Variants in ZNF813 observed in about 807,000 individuals in gnomAD.
The protein encoded by ZNF813 is zinc finger protein 813.
In ZNF813, 3 loss-of-function variants were observed where a neutral mutation model predicts 7.2. That is an observed-to-expected ratio of 0.42 (90% CI 0.19 to 1.08). The LOEUF is 1.08. Among genes scored for constraint, ZNF813 ranks in the 50% least tolerant of loss-of-function variants. The pLI is 0.30. For synonymous variants in ZNF813, 227 were observed against 256.3 expected (o/e 0.89, Z 1.09); for missense variants, 714 against 753.3 (o/e 0.95, Z 0.61).
Position 53,494,359 on chromosome 19 carries a change from C to A in ZNF813, c.*2273C>A, listed in dbSNP as rs2708835. 1 of 152,204 alleles carries A rather than the reference C, an allele frequency of 6.6e-6. No homozygotes were observed. Among genetic ancestry groups the A allele is most frequent in the Non-Finnish European group, 1.5e-5 (1 of 68,018 alleles). 9.4% of individuals were successfully genotyped at this position (152,204 alleles called of 1,614,324 possible). A position where few individuals can be genotyped will look rare whatever the true frequency, so the allele number is the denominator to read the frequency against. On this transcript the variant is annotated 3_prime_UTR_variant, in exon 4 of 4. Transcript: ENST00000396403. ...AGACATGAGTTTTAAAAGAGACTTT[C>A]TCTGCCGGGCGCAGTGGCTCATGCC...
chr19:53,486,555 C>G (rs192199568), intron 2 of ZNF813, 77 bp from the exon 3 acceptor site: 1 of 1,611,004 alleles, frequency 6.2e-7, no homozygotes, highest in Non-Finnish European at 8.5e-7. Context: ...ATGCTTTCCC[C>G]TCTCTCCTCT....
intron 2 of ZNF813, among the ~76,000 whole-genome samples, chr19:53,485,599 G>GAT (rs552284764): frequency 2.0e-5 from 3 of 149,606 alleles, no homozygotes; most frequent in African/African-American, 7.4e-5. Context: ...TGTATGTCAT[G>GAT]ATATATATCG....
chr19:53,491,390 T>C lies in ZNF813; in HGVS notation c.1158T>C (p.Asn386=). ...LHTGEKPYKC[N]ECGKTFSQEL... ...CGGGAGAGAAACCTTATAAGTGTAATGAATGTGGCAAGACCTTCAGTCAGG... is the reference window on the plus strand; with the variant it reads ...CGGGAGAGAAACCTTATAAGTGTAACGAATGTGGCAAGACCTTCAGTCAGG... The change falls in exon 4 of 4, where the codon AAT becomes AAC. Residue 386 remains asparagine (N), a synonymous_variant. Transcript: ENST00000396403. The C allele has an allele frequency of 3.7e-6, 6 of 1,613,328 alleles. No individual in the cohort carries two copies. Among genetic ancestry groups the C allele is most frequent in the Non-Finnish European group, 5.1e-6 (6 of 1,179,428 alleles).
rs747656227 is a variant in ZNF813 at position 53,491,275 on chromosome 19, T to C, written c.1043T>C (p.Leu348Pro). ...TCATCCCTTACATGCCATCGTAGACTTCATACTGGAGAGAAACCTTTCAAG... is the reference window on the plus strand; with the variant it reads ...TCATCCCTTACATGCCATCGTAGACCTCATACTGGAGAGAAACCTTTCAAG... ...QTSSLTCHRR[L>P]HTGEKPFKCN... The change falls in exon 4 of 4, where the codon CTT becomes CCT. Residue 348 changes from leucine (L) to proline (P), a missense_variant. Leu to Pro is a moderately conservative substitution (Grantham distance 98). Coordinates refer to ENST00000396403, the MANE Select transcript of ZNF813 (RefSeq NM_001004301.4). The C allele has an allele frequency of 6.2e-7, 1 of 1,613,840 alleles. No individual in the cohort carries two copies. The highest frequency in any genetic ancestry group is 1.1e-5 in the South Asian group (1 of 91,046).
rs538580740 is a variant in ZNF813 at position 53,492,394 on chromosome 19, A to G, written c.*308A>G. ...AGCTTACAAAGGTGAAGAATATCAC[A>G]GAGTTTTCAGTCACAAGTCAAACCT... On this transcript the variant is annotated 3_prime_UTR_variant, in exon 4 of 4. Transcript: ENST00000396403. The G allele has an allele frequency of 1.0e-4, 51 of 493,508 alleles. 1 individual carries two copies. The highest frequency in any genetic ancestry group is 1.0e-3 in the South Asian group (46 of 45,492). 30.6% of individuals were successfully genotyped at this position (493,508 alleles called of 1,614,324 possible).
Position 53,493,205 on chromosome 19 carries a change from A to C in ZNF813, c.*1119A>C, listed in dbSNP as rs2708842. On this transcript the variant is annotated 3_prime_UTR_variant, in exon 4 of 4. Coordinates refer to ENST00000396403, the MANE Select transcript of ZNF813 (RefSeq NM_001004301.4). Reference sequence around the variant, plus strand: ...CAGGAGTTTCAGATCAGTCTGGCCAACAAACATGAGCCACTTTTCCCAGTT... The same window carrying C: ...CAGGAGTTTCAGATCAGTCTGGCCACCAAACATGAGCCACTTTTCCCAGTT... The C allele has an allele frequency of 0.13, 23,389 of 176,224 alleles. 2,687 individuals are homozygous for C. The highest frequency in any genetic ancestry group is 0.33 in the African/African-American group (13,856 of 41,882). 10.9% of individuals were successfully genotyped at this position (176,224 alleles called of 1,614,324 possible).
Position 53,492,743 on chromosome 19 carries a change from G to A in ZNF813, c.*657G>A, listed in dbSNP as rs892510007. 2.2e-5 allele frequency: 14 copies of A among 628,602 alleles called. No individual in the cohort carries two copies. Among genetic ancestry groups the A allele is most frequent in the Admixed American group, 1.4e-4 (7 of 49,456 alleles). The allele number at this position is 628,602 out of a possible 1,614,324, so 38.9% of individuals were successfully genotyped here. A position where few individuals can be genotyped will look rare whatever the true frequency, so the allele number is the denominator to read the frequency against. Reference sequence around the variant, plus strand: ...ATAATCGGCAAATTTTTCAGACATCGTCCATACCTTGCAGTTCATTGGCGA... The same window carrying A: ...ATAATCGGCAAATTTTTCAGACATCATCCATACCTTGCAGTTCATTGGCGA... On this transcript the variant is annotated 3_prime_UTR_variant, in exon 4 of 4. Coordinates refer to ENST00000396403, the MANE Select transcript of ZNF813 (RefSeq NM_001004301.4).
In ZNF813 at chr19:53,483,625, T is replaced by C. The variant is rs2086419627; in HGVS notation, c.-73-125T>C. 5 of 943,514 alleles carry C rather than the reference T, an allele frequency of 5.3e-6. No homozygotes were observed. In the Admixed American group the frequency reaches 1.4e-4, roughly 27 times the overall value. The allele number at this position is 943,514 out of a possible 1,614,324, so 58.4% of individuals were successfully genotyped here. A position where few individuals can be genotyped will look rare whatever the true frequency, so the allele number is the denominator to read the frequency against. ...TTTTCCTGTAGGAGTTTATTGTCCC[T>C]GGTGTGGTCGGCAGCATAGGGGACC... On this transcript the variant is annotated intron_variant, in intron 1 of 3. Transcript: ENST00000396403.
intron 1 of ZNF813, among the ~76,000 whole-genome samples, chr19:53,476,311 G>A (rs1190499269): frequency 6.6e-6 from 1 of 152,138 alleles, no homozygotes; most frequent in African/African-American, 2.4e-5. Context: ...TAAGCCATGA[G>A]GTCTGAAGCC....
chr19:53,480,918 G>T (rs1204057632), intron 1 of ZNF813, among the ~76,000 whole-genome samples: 1 of 152,174 alleles, frequency 6.6e-6, no homozygotes, highest in East Asian at 1.9e-4. Context: ...AATGCATAAG[G>T]TGGGTCCAGG....
intron 1 of ZNF813, among the ~76,000 whole-genome samples, chr19:53,482,108 G>A (rs1011948676): frequency 2.6e-5 from 4 of 152,154 alleles, no homozygotes; most frequent in East Asian, 1.9e-4. Flanking sequence ...AATAGAGTAC[G>A]TGTCTGGGTA....
chr19:53,485,587 T>TGTATGGCATGATATATAC (rs571848662), intron 2 of ZNF813, among the ~76,000 whole-genome samples: 7 of 139,698 alleles, frequency 5.0e-5, no homozygotes, highest in South Asian at 2.4e-4. Context: ...TGTCATGACA[T>TGTATGGCATGATATATAC]ATGTATGTCA....
Position 53,483,621 on chromosome 19 carries a change from T to C in ZNF813, c.-73-129T>C, listed in dbSNP as rs1386760386. 4.4e-6 allele frequency: 4 copies of C among 916,778 alleles called. No individual in the cohort carries two copies. In the East Asian group the frequency reaches 1.1e-4, roughly 25 times the overall value. The allele number at this position is 916,778 out of a possible 1,614,324, so 56.8% of individuals were successfully genotyped here. On this transcript the variant is annotated intron_variant, in intron 1 of 3. Coordinates refer to ENST00000396403, the MANE Select transcript of ZNF813 (RefSeq NM_001004301.4). ...GGAGTTTTCCTGTAGGAGTTTATTGTCCCTGGTGTGGTCGGCAGCATAGGG... is the reference window on the plus strand; with the variant it reads ...GGAGTTTTCCTGTAGGAGTTTATTGCCCCTGGTGTGGTCGGCAGCATAGGG...
chr19:53,479,805 G>A, intron 1 of ZNF813: 1 of 1,168,598 alleles, frequency 8.6e-7, no homozygotes, highest in South Asian at 1.2e-5. Context: ...GAGTCCCGTT[G>A]CTGAGAGATG....
intron 1 of ZNF813, among the ~76,000 whole-genome samples, chr19:53,478,091 C>T (rs935891805): frequency 5.3e-5 from 8 of 152,078 alleles, no homozygotes; most frequent in Non-Finnish European, 7.4e-5. Context: ...ATTCCCTTTT[C>T]GCAGGGCTGG....
At chr19:53,468,042 TA>T (rs2086335988) in intron 1 of ZNF813, among the ~76,000 whole-genome samples, 1 of 152,238 alleles carries the variant, frequency 6.6e-6, no homozygotes, top group African/African-American at 2.4e-5. Flanking sequence ...TTTCCTGCTC[TA>T]AACCTTTCTC....
At chr19:53,487,914 T>C (rs2086441693) in intron 3 of ZNF813, among the ~76,000 whole-genome samples, 1 of 152,208 alleles carries the variant, frequency 6.6e-6, no homozygotes, top group African/African-American at 2.4e-5. Context: ...ATATGTATAT[T>C]GTGTTTTCAT....
At chr19:53,480,364 T>TAA (rs35502614) in intron 1 of ZNF813, among the ~76,000 whole-genome samples, 11 of 142,176 alleles carry the variant, frequency 7.7e-5, no homozygotes, top group Admixed American at 1.4e-4. Flanking sequence ...TGTTGTGATG[T>TAA]AAAAAAAAAA....
intron 1 of ZNF813, among the ~76,000 whole-genome samples, chr19:53,474,346 T>C (rs926601129): frequency 6.6e-6 from 1 of 152,212 alleles, no homozygotes; most frequent in African/African-American, 2.4e-5. Flanking sequence ...AGGTTAAACA[T>C]TGTTTACAAA....
Sources: gnomAD v4.1 joint callset for allele counts (sites outside exome capture counted in the v4.1 genomes callset) on GRCh38, gnomAD v4.1.1 for gene constraint, MANE v1.5 for transcripts, NCBI Gene and HGNC (gene_info 2026-07-23, HGNC 2026-07-21) for gene names.